Variants in TBCK observed in about 807,000 individuals in gnomAD.
The protein encoded by TBCK is TBC domain-containing protein kinase-like protein.
Under a neutral mutation model 113.4 loss-of-function variants are expected in TBCK, and 99 were observed. The observed-to-expected ratio is 0.87, with a 90% CI of 0.74 to 1.03. The LOEUF is 1.03. Among genes scored for constraint, TBCK ranks in the 50% least tolerant of loss-of-function variants. TBCK has a pLI of 0.00. For synonymous variants in TBCK, 369 were observed against 370.8 expected, an observed-to-expected ratio of 1.00 and a Z score of 0.05; for missense variants, 1,045 against 1,061.3, an observed-to-expected ratio of 0.98 and a Z score of 0.21.
chr4:106,184,589 C>G (rs1040071706), intron 22 of TBCK, among the ~76,000 whole-genome samples: 1 of 151,912 alleles, frequency 6.6e-6, no homozygotes, highest in Non-Finnish European at 1.5e-5. Context: ...TATAGAGATA[C>G]ATGTGTTTTA....
In TBCK at chr4:106,242,588, AAAT is replaced by A; in HGVS notation, c.1071-22_1071-20del. ...GAGAAAACTGAAAAGAAATTTTTAAAAATAATATGTACACAAAATCCAGTTTAT... is the reference window on the plus strand; with the variant it reads ...GAGAAAACTGAAAAGAAATTTTTAAAAATATGTACACAAAATCCAGTTTAT... On this transcript the variant is annotated intron_variant, in intron 11 of 25. Coordinates refer to ENST00000394708, the MANE Select transcript of TBCK (RefSeq NM_001163435.3). The A allele has an allele frequency of 6.4e-7, 1 of 1,556,184 alleles. No homozygotes were observed. The highest frequency in any genetic ancestry group is 1.2e-5 in the South Asian group (1 of 84,406).
chr4:106,314,698 C>A (rs2125911007), intron 1 of TBCK, among the ~76,000 whole-genome samples: 1 of 143,134 alleles, frequency 7.0e-6, no homozygotes, highest in East Asian at 2.1e-4. Context: ...GATCTCGGCT[C>A]ACTGCATCCT....
At chr4:106,187,485 T>C (rs978681553) in intron 22 of TBCK, among the ~76,000 whole-genome samples, 1 of 152,014 alleles carries the variant, frequency 6.6e-6, no homozygotes, top group African/African-American at 2.4e-5. Flanking sequence ...GGCACTATCT[T>C]GGCTCACTGA....
intron 3 of TBCK, among the ~76,000 whole-genome samples, chr4:106,274,024 T>A (rs1278960800): frequency 6.6e-6 from 1 of 152,234 alleles, no homozygotes; most frequent in African/African-American, 2.4e-5. Context: ...GAAGCCATCA[T>A]GAATAACAAG....
intron 25 of TBCK, among the ~76,000 whole-genome samples, chr4:106,053,378 T>C (rs1227795684): frequency 2.0e-5 from 3 of 151,734 alleles, no homozygotes; most frequent in Non-Finnish European, 4.4e-5. Context: ...TGAATCTGAC[T>C]TGGCCTATCA....
At chr4:106,126,582 C>T (rs577049049) in intron 23 of TBCK, among the ~76,000 whole-genome samples, 9 of 152,154 alleles carry the variant, frequency 5.9e-5, no homozygotes, top group Middle Eastern at 3.4e-3. Context: ...CACGTGTTTT[C>T]ATATTTGTAT....
chr4:106,312,335 G>A (rs1768287014), intron 1 of TBCK, among the ~76,000 whole-genome samples: 2 of 151,966 alleles, frequency 1.3e-5, no homozygotes, highest in South Asian at 4.1e-4. Context: ...TTCACACAAG[G>A]CATGAAAATA....
At chr4:106,166,470 T>C in intron 23 of TBCK, among the ~76,000 whole-genome samples, 1 of 151,748 alleles carries the variant, frequency 6.6e-6, no homozygotes, top group African/African-American at 2.4e-5. Flanking sequence ...TAAAAAATAA[T>C]TTCAACTTTT....
chr4:106,095,900 C>T (rs777550282), intron 24 of TBCK, among the ~76,000 whole-genome samples: 5 of 152,126 alleles, frequency 3.3e-5, no homozygotes, highest in African/African-American at 9.7e-5. Flanking sequence ...ATTACATAAA[C>T]ACAGATATGG....
intron 24 of TBCK, among the ~76,000 whole-genome samples, chr4:106,112,537 C>T (rs765472458): frequency 1.3e-4 from 20 of 152,152 alleles, no homozygotes; most frequent in Admixed American, 4.6e-4. Flanking sequence ...TGGAGCCTTA[C>T]TATTGGCCTT....
chr4:106,176,436 G>T (rs1751678175), intron 22 of TBCK, among the ~76,000 whole-genome samples: 1 of 152,078 alleles, frequency 6.6e-6, no homozygotes, highest in South Asian at 2.1e-4. Flanking sequence ...ATATGACATA[G>T]TCTTTCTGTG....
chr4:106,071,344 T>A (rs1737408255), intron 25 of TBCK, among the ~76,000 whole-genome samples: 1 of 152,228 alleles, frequency 6.6e-6, no homozygotes, highest in Admixed American at 6.5e-5. Context: ...TCTGCCTTCA[T>A]TTCATTATTT....
chr4:106,272,488 AT>A (rs746246379), intron 3 of TBCK, among the ~76,000 whole-genome samples: 11,739 of 124,442 alleles, frequency 0.094, 294 homozygotes, highest in African/African-American at 0.16. Flanking sequence ...TGTTTATTTA[AT>A]TTTTTTTTTT....
Position 106,212,753 on chromosome 4 carries a change from T to G in TBCK, c.1857A>C (p.Pro619=), listed in dbSNP as rs775955125. The G allele has an allele frequency of 2.5e-6, 4 of 1,603,554 alleles. No individual in the cohort carries two copies. Among genetic ancestry groups the G allele is most frequent in the South Asian group, 2.2e-5 (2 of 89,812 alleles). ...SNHLNEIGFI[P]DLYAIPWFLT... is the part of the protein sequence containing the mutation. Reference sequence around the variant, plus strand: ...TATTAATGCACCAAGTACTTACATCTGGAATGAAACCAATCTCATTGAGAT... The same window carrying G: ...TATTAATGCACCAAGTACTTACATCGGGAATGAAACCAATCTCATTGAGAT... Residue 619 remains proline, a synonymous_variant, in exon 20 of 26, where the codon CCA becomes CCC. Transcript: ENST00000394708.
rs1740800800 is a variant in TBCK at position 106,095,549 on chromosome 4, G to C, written c.2504C>G (p.Ala835Gly). The change falls in exon 25 of 26, where the codon GCT becomes GGT. Residue 835 changes from alanine (A) to glycine (G), a missense_variant. Coordinates refer to ENST00000394708, the MANE Select transcript of TBCK (RefSeq NM_001163435.3). ...CTTCCCTTTGAAGTTCTGGAGCATA[G>C]CAGTGTAAGGGCCCTGGGTAAGCTC... ...EGELTQGPYT[A>G]MLQNFKGKVI... 3 of 1,614,148 alleles carry C rather than the reference G, an allele frequency of 1.9e-6. No homozygotes were observed. The highest frequency in any genetic ancestry group is 2.5e-6 in the Non-Finnish European group (3 of 1,179,982).
chr4:106,219,234 G>A (rs12513162), intron 19 of TBCK, among the ~76,000 whole-genome samples: 3 of 113,520 alleles, frequency 2.6e-5, no homozygotes, highest in East Asian at 3.0e-4. Flanking sequence ...GTGGGGGGAG[G>A]GGGGAGGGAT....
chr4:106,097,639 G>C (rs528376843), intron 24 of TBCK, among the ~76,000 whole-genome samples: 1 of 152,256 alleles, frequency 6.6e-6, no homozygotes, highest in South Asian at 2.1e-4. Context: ...TCCTTGGAAA[G>C]TATTTACATG....
intron 3 of TBCK, among the ~76,000 whole-genome samples, chr4:106,279,578 T>C (rs1458443159): frequency 1.3e-5 from 2 of 152,152 alleles, no homozygotes; most frequent in African/African-American, 2.4e-5. Flanking sequence ...TTTGTACTGA[T>C]TGACTACCCC....
intron 22 of TBCK, among the ~76,000 whole-genome samples, chr4:106,184,490 C>T (rs940474631): frequency 2.0e-5 from 3 of 151,826 alleles, no homozygotes; most frequent in African/African-American, 7.3e-5. Context: ...TACAGATTAC[C>T]ACTGGATCAT....
Sources: allele counts gnomAD v4.1 joint callset (sites outside exome capture counted in the v4.1 genomes callset), GRCh38; gene constraint gnomAD v4.1.1; transcripts MANE v1.5; gene names NCBI Gene and HGNC (gene_info 2026-07-23, HGNC 2026-07-21).